Variants in DNAJC10 observed in about 807,000 individuals in gnomAD.
DNAJC10 encodes DnaJ heat shock protein family (Hsp40) member C10.
A neutral mutation model predicts 115.0 loss-of-function variants in DNAJC10; 101 were observed. The observed-to-expected ratio is 0.88, with a 90% CI of 0.75 to 1.04. The LOEUF (loss-of-function observed/expected upper bound fraction) is 1.04. DNAJC10 is among the 50% of genes least tolerant of loss of function. The pLI, the probability that DNAJC10 is intolerant of heterozygous loss-of-function variation, is 0.00. For synonymous variants in DNAJC10, 307 were observed against 301.5 expected (o/e 1.02, Z -0.19); for missense variants, 981 against 928.8 (o/e 1.06, Z -0.73).
At chr2:182,776,285 T>C (rs74446414) in intron 23 of DNAJC10, among the ~76,000 whole-genome samples, 5,415 of 152,318 alleles carry the variant, frequency 0.036, 223 homozygotes, top group African/African-American at 0.1. Flanking sequence ...GTAATCAGAA[T>C]GTATTGAAAC....
chr2:182,743,407 A>C (rs1190919680), intron 13 of DNAJC10, among the ~76,000 whole-genome samples, 191 bp from the exon 14 acceptor site: 1 of 152,102 alleles, frequency 6.6e-6, no homozygotes, highest in Non-Finnish European at 1.5e-5. Flanking sequence ...TCTAGGAAGC[A>C]TTTTTTTAAC....
chr2:182,752,211 A>T (rs751541053), intron 16 of DNAJC10, 23 bp downstream of exon 16: 41 of 1,245,226 alleles, frequency 3.3e-5, no homozygotes, highest in Non-Finnish European at 4.4e-5. Context: ...ATCAAAAATT[A>T]TTCTAATTAA....
Position 182,785,871 on chromosome 2 carries a change from T to C in DNAJC10, c.*8739T>C, listed in dbSNP as rs1345716228. Reference sequence around the variant, plus strand: ...AATTTGATATTAACTAAGAATTGTTTGCAGGGGATGTTGTTGCATATTCTA... The same window carrying C: ...AATTTGATATTAACTAAGAATTGTTCGCAGGGGATGTTGTTGCATATTCTA... On this transcript the variant is annotated 3_prime_UTR_variant, in exon 24 of 24. Transcript: ENST00000264065. 6.6e-6 allele frequency: 1 copy of C among 152,168 alleles called. No homozygotes were observed. Among genetic ancestry groups the C allele is most frequent in the African/African-American group, 2.4e-5 (1 of 41,448 alleles). 9.4% of individuals were successfully genotyped at this position (152,168 alleles called of 1,614,324 possible).
intron 5 of DNAJC10, 36 bp downstream of exon 5, chr2:182,722,111 AC>A (rs769511808): frequency 7.0e-7 from 1 of 1,429,744 alleles, no homozygotes; most frequent in South Asian, 1.3e-5. Flanking sequence ...TAAAACTAAT[AC>A]AAGTTCGATC....
At chr2:182,761,124 T>C (rs953095572) in intron 21 of DNAJC10, among the ~76,000 whole-genome samples, 1 of 152,084 alleles carries the variant, frequency 6.6e-6, no homozygotes, top group African/African-American at 2.4e-5. Context: ...AAATTCCATG[T>C]CTTTAAGGAG....
chr2:182,761,316 C>G (rs940210055), intron 21 of DNAJC10, among the ~76,000 whole-genome samples: 1 of 152,032 alleles, frequency 6.6e-6, no homozygotes, highest in African/African-American at 2.4e-5. Context: ...TACAAGTAAG[C>G]AAATATACAA....
Position 182,785,646 on chromosome 2 carries a change from A to AAGAC in DNAJC10, c.*8518_*8521dup, listed in dbSNP as rs560482311. On this transcript the variant is annotated 3_prime_UTR_variant, in exon 24 of 24. Transcript: ENST00000264065. ...AAATGGTATGATTTCTTTAATGAAA[A>AAGAC]AGACAGAGAAAGGTATCGTATAGCT... is the stretch of plus-strand genomic sequence containing the variant. 1 of 152,164 alleles carries AAGAC rather than the reference A, an allele frequency of 6.6e-6. No homozygotes were observed. The highest frequency in any genetic ancestry group is 1.5e-5 in the Non-Finnish European group (1 of 68,010). 9.4% of individuals were successfully genotyped at this position (152,164 alleles called of 1,614,324 possible). A position where few individuals can be genotyped will look rare whatever the true frequency, so the allele number is the denominator to read the frequency against.
chr2:182,752,245 G>A, intron 16 of DNAJC10, 57 bp downstream of exon 16: 3 of 892,214 alleles, frequency 3.4e-6, no homozygotes, highest in South Asian at 4.9e-5. Context: ...AGACCTTTTG[G>A]CTGTTTATTA....
Position 182,791,564 on chromosome 2 carries a change from A to G in DNAJC10, c.*14432A>G, listed in dbSNP as rs1218862377. On this transcript the variant is annotated 3_prime_UTR_variant, in exon 24 of 24. Coordinates refer to ENST00000264065, the MANE Select transcript of DNAJC10 (RefSeq NM_018981.4). ...GCAAAATATTGGTCAAAACTTTTTC[A>G]GTTTAATGAGTTTCAAGATATTCTT... 6.6e-6 allele frequency: 1 copy of G among 152,196 alleles called. No individual in the cohort carries two copies. Among genetic ancestry groups the G allele is most frequent in the African/African-American group, 2.4e-5 (1 of 41,460 alleles). 9.4% of individuals were successfully genotyped at this position (152,196 alleles called of 1,614,324 possible).
At position 182,741,116 on chromosome 2, in the gene DNAJC10, C is replaced by T. The variant is rs114082740; in HGVS notation, c.1078-127C>T. 2.0e-3 allele frequency: 1,279 copies of T among 625,122 alleles called. 6 individuals are homozygous for T. The highest frequency in any genetic ancestry group is 2.3e-3 in the Non-Finnish European group (823 of 364,778). 38.7% of individuals were successfully genotyped at this position (625,122 alleles called of 1,614,324 possible). Reference sequence around the variant, plus strand: ...TACAAAATAAGAGAATGAGTGGGTCCGAATTTTAGACAGTATTTTGAAATA... The same window carrying T: ...TACAAAATAAGAGAATGAGTGGGTCTGAATTTTAGACAGTATTTTGAAATA... On this transcript the variant is annotated intron_variant, in intron 12 of 23. Transcript: ENST00000264065.
chr2:182,784,218 T>A lies in DNAJC10; in HGVS notation c.*7086T>A, dbSNP rs1694905643. 6.6e-6 allele frequency: 1 copy of A among 151,944 alleles called. No individual in the cohort carries two copies. The highest frequency in any genetic ancestry group is 1.5e-5 in the Non-Finnish European group (1 of 67,998). 9.4% of individuals were successfully genotyped at this position (151,944 alleles called of 1,614,324 possible). ...GGTGTGTGCCTGTAATCATCTACCCTGGAGGCTGAGACAGGAGAATTGCAT... is the reference window on the plus strand; with the variant it reads ...GGTGTGTGCCTGTAATCATCTACCCAGGAGGCTGAGACAGGAGAATTGCAT... On this transcript the variant is annotated 3_prime_UTR_variant, in exon 24 of 24. Coordinates refer to ENST00000264065, the MANE Select transcript of DNAJC10 (RefSeq NM_018981.4).
chr2:182,746,043 C>G (rs1373720259), intron 14 of DNAJC10, among the ~76,000 whole-genome samples: 1 of 152,096 alleles, frequency 6.6e-6, no homozygotes, highest in Admixed American at 6.6e-5. Flanking sequence ...CAGTTTCATC[C>G]ATGTCCCTAC....
At chr2:182,740,949 A>G (rs1378548365) in intron 12 of DNAJC10, among the ~76,000 whole-genome samples, 3 of 152,074 alleles carry the variant, frequency 2.0e-5, no homozygotes, top group African/African-American at 7.2e-5. Context: ...AAAGCTGACA[A>G]CTTTGCCACC....
chr2:182,722,090 T>C lies in DNAJC10; in HGVS notation c.418+15T>C. On this transcript the variant is annotated intron_variant, in intron 5 of 23. Coordinates refer to ENST00000264065, the MANE Select transcript of DNAJC10 (RefSeq NM_018981.4). ...AAGAGAATTTGGTAAGTTTGTGGGC[T>C]TAAGGTTTTATAAAACTAATACAAG... is the stretch of plus-strand genomic sequence containing the variant. The C allele has an allele frequency of 6.5e-7, 1 of 1,547,580 alleles. No individual in the cohort carries two copies. The highest frequency in any genetic ancestry group is 1.9e-5 in the Admixed American group (1 of 51,328).
intron 14 of DNAJC10, among the ~76,000 whole-genome samples, chr2:182,747,225 G>C (rs1302827362): frequency 6.6e-6 from 1 of 150,694 alleles, no homozygotes; most frequent in Non-Finnish European, 1.5e-5. Flanking sequence ...CTCTTTTTTG[G>C]TTCCATATGA....
chr2:182,758,172 C>T (rs1396623987), intron 19 of DNAJC10, among the ~76,000 whole-genome samples: 1 of 152,106 alleles, frequency 6.6e-6, no homozygotes, highest in Non-Finnish European at 1.5e-5. Flanking sequence ...TACTACCCTT[C>T]CTACTATTAC....
chr2:182,746,536 T>G (rs1343250551), intron 14 of DNAJC10, among the ~76,000 whole-genome samples: 2 of 152,218 alleles, frequency 1.3e-5, no homozygotes, highest in African/African-American at 4.8e-5. Flanking sequence ...TGTCTTCTTT[T>G]GAGAAGTGTC....
Position 182,785,422 on chromosome 2 carries a change from C to T in DNAJC10, c.*8290C>T, listed in dbSNP as rs544571663. ...CACAGAAATGGGTGTACTGAATTCT[C>T]GCCCTGTAGTCAAGTACTTACTATG... On this transcript the variant is annotated 3_prime_UTR_variant, in exon 24 of 24. Coordinates refer to ENST00000264065, the MANE Select transcript of DNAJC10 (RefSeq NM_018981.4). 3.9e-5 allele frequency: 6 copies of T among 152,098 alleles called. No homozygotes were observed. Among genetic ancestry groups the T allele is most frequent in the East Asian group, 1.9e-4 (1 of 5,178 alleles). 9.4% of individuals were successfully genotyped at this position (152,098 alleles called of 1,614,324 possible).
chr2:182,733,822 T>TAGATAGATAGAA (rs924830343), intron 10 of DNAJC10, among the ~76,000 whole-genome samples: 4 of 151,120 alleles, frequency 2.6e-5, no homozygotes, highest in Non-Finnish European at 4.4e-5. Context: ...GATAGATAGA[T>TAGATAGATAGAA]AGATAGATTT....
Sources: gnomAD v4.1 joint callset for allele counts (sites outside exome capture counted in the v4.1 genomes callset) on GRCh38, gnomAD v4.1.1 for gene constraint, MANE v1.5 for transcripts, NCBI Gene and HGNC (gene_info 2026-07-23, HGNC 2026-07-21) for gene names.